The following PCBP3 variants were observed in gnomAD, a reference collection of about 807,000 sequenced individuals.
PCBP3 encodes the protein poly(rC)-binding protein 3.
A neutral mutation model predicts 52.7 loss-of-function variants in PCBP3; 25 were observed. The observed-to-expected ratio is 0.47, with a 90% CI of 0.35 to 0.66. PCBP3 has a LOEUF of 0.66. PCBP3 is among the 30% of genes least tolerant of loss of function. PCBP3 has a pLI of 0.01. For missense variants in PCBP3, 391 were observed against 490.3 expected (o/e 0.80, Z 1.91); for synonymous variants, 162 against 183.0 (o/e 0.89, Z 0.93).
At chr21:45,940,680 G>A (rs1302078404) in intron 17 of PCBP3, among the ~76,000 whole-genome samples, 2 of 151,866 alleles carry the variant, frequency 1.3e-5, no homozygotes, top group East Asian at 1.9e-4. Context: ...AGCCACCTGG[G>A]TCCCTGTGAC....
At chr21:45,669,219 C>T (rs1159078498) in intron 2 of PCBP3, among the ~76,000 whole-genome samples, 1 of 152,106 alleles carries the variant, frequency 6.6e-6, no homozygotes, top group Non-Finnish European at 1.5e-5. Flanking sequence ...TTTGGCCACT[C>T]CACTTTACTT....
At position 45,812,635 on chromosome 21, in the gene PCBP3, G is replaced by A. The variant is rs111372080; in HGVS notation, c.-125-37326G>A. On this transcript the variant is annotated intron_variant, in intron 4 of 17. Transcript: ENST00000681687. ...CAGAACTGCTGGCCTCAGGTGATCC[G>A]CCCGCTTCGGCCTCCCAAAGTGCTG... is the stretch of plus-strand genomic sequence containing the variant. 4.7e-3 allele frequency among the ~76,000 whole-genome samples: 708 copies of A among 152,252 alleles called. 6 individuals carry two copies. Among genetic ancestry groups the A allele is most frequent in the African/African-American group, 0.015 (644 of 41,550 alleles).
At chr21:45,759,495 T>C (rs1436061935) in intron 4 of PCBP3, among the ~76,000 whole-genome samples, 1 of 152,262 alleles carries the variant, frequency 6.6e-6, no homozygotes, top group Admixed American at 6.5e-5. Flanking sequence ...AGTTACATTA[T>C]GTCAGACGTT....
intron 4 of PCBP3, among the ~76,000 whole-genome samples, chr21:45,847,934 T>C (rs76919440): frequency 1.3e-5 from 2 of 152,186 alleles, no homozygotes; most frequent in Non-Finnish European, 2.9e-5. Context: ...ACTCCAGTCT[T>C]TGTTTCTTGG....
intron 4 of PCBP3, among the ~76,000 whole-genome samples, chr21:45,814,678 GTGGTGAGTGAGTGGTGAGTGA>G (rs2092799305): frequency 3.6e-5 from 5 of 138,886 alleles, no homozygotes; most frequent in African/African-American, 5.4e-5. Flanking sequence ...TGAGTGGTGA[GTGGTGAGTGAGTGGTGAGTGA>G]TGAGTGGTGA....
At chr21:45,895,844 C>T (rs767777542) in intron 5 of PCBP3, among the ~76,000 whole-genome samples, 22 of 152,262 alleles carry the variant, frequency 1.4e-4, no homozygotes, top group Non-Finnish European at 2.4e-4. Flanking sequence ...AGCCCCAGGG[C>T]GCTGGGCCTG....
chr21:45,826,291 G>A (rs1031136548), intron 4 of PCBP3, among the ~76,000 whole-genome samples: 2 of 152,026 alleles, frequency 1.3e-5, no homozygotes, highest in Admixed American at 6.6e-5. Context: ...AAATAAAGCA[G>A]TGAGAATGAG....
At chr21:45,727,496 G>C (rs1418178639) in intron 2 of PCBP3, among the ~76,000 whole-genome samples, 1 of 152,224 alleles carries the variant, frequency 6.6e-6, no homozygotes, top group Non-Finnish European at 1.5e-5. Context: ...GGAAGCACCG[G>C]GTAGGTCAAG....
chr21:45,884,967 G>A (rs928463857), intron 5 of PCBP3, among the ~76,000 whole-genome samples: 2 of 152,156 alleles, frequency 1.3e-5, no homozygotes, highest in Non-Finnish European at 2.9e-5. Context: ...TAGAGGACTC[G>A]AGAGTGAAGC....
intron 1 of PCBP3, among the ~76,000 whole-genome samples, chr21:45,663,123 A>G (rs1009093193): frequency 2.0e-5 from 3 of 151,586 alleles, no homozygotes; most frequent in African/African-American, 4.9e-5. Context: ...GAAAGTACTA[A>G]AAGTCTCTGA....
chr21:45,665,393 G>A (rs1402680115), intron 1 of PCBP3, among the ~76,000 whole-genome samples: 1 of 151,892 alleles, frequency 6.6e-6, no homozygotes, highest in African/African-American at 2.4e-5. Flanking sequence ...ATGTCACAGA[G>A]TGAGATCCCA....
chr21:45,808,432 GA>G (rs1193916510), intron 4 of PCBP3, among the ~76,000 whole-genome samples: 4 of 152,038 alleles, frequency 2.6e-5, no homozygotes, highest in African/African-American at 9.7e-5. Flanking sequence ...CAAAAAACGT[GA>G]AAAAAAGCTA....
chr21:45,916,066 C>G (rs1480558881), intron 12 of PCBP3: 7 of 152,324 alleles, frequency 4.6e-5, no homozygotes, highest in African/African-American at 1.7e-4. Flanking sequence ...GCGTTTCTAG[C>G]ACGACATGGT....
intron 4 of PCBP3, among the ~76,000 whole-genome samples, chr21:45,823,756 T>C (rs1440263343): frequency 6.6e-6 from 1 of 151,872 alleles, no homozygotes; most frequent in East Asian, 1.9e-4. Flanking sequence ...TATTTATTTA[T>C]TTTGAGATGG....
intron 1 of PCBP3, among the ~76,000 whole-genome samples, chr21:45,665,179 A>G (rs1310343124): frequency 6.6e-6 from 1 of 152,028 alleles, no homozygotes; most frequent in East Asian, 1.9e-4. Flanking sequence ...AGGCAGGAGG[A>G]TCACTTGAGG....
At chr21:45,860,979 C>T (rs919498739) in intron 5 of PCBP3, among the ~76,000 whole-genome samples, 8 of 152,224 alleles carry the variant, frequency 5.3e-5, no homozygotes, top group South Asian at 2.1e-4. Context: ...TACCTCCCCT[C>T]GCCCTCACTG....
intron 5 of PCBP3, among the ~76,000 whole-genome samples, chr21:45,887,363 C>T (rs989619917): frequency 6.6e-6 from 1 of 152,222 alleles, no homozygotes; most frequent in Non-Finnish European, 1.5e-5. Flanking sequence ...GCACAGATGC[C>T]GGAGCTGCTG....
intron 13 of PCBP3, 53 bp from the exon 14 acceptor site, chr21:45,929,864 A>C: frequency 7.5e-7 from 1 of 1,333,604 alleles, no homozygotes; most frequent in East Asian, 2.3e-5. Flanking sequence ...ATTTGGTGTG[A>C]CTTGTACTCG....
intron 13 of PCBP3, among the ~76,000 whole-genome samples, chr21:45,921,978 G>A (rs567210664): frequency 1.3e-5 from 2 of 152,340 alleles, no homozygotes; most frequent in South Asian, 4.1e-4. Context: ...CAGGGTGAAG[G>A]ACTTAGGAGG....
Sources: gnomAD v4.1 joint callset for allele counts (sites outside exome capture counted in the v4.1 genomes callset) on GRCh38, gnomAD v4.1.1 for gene constraint, MANE v1.5 for transcripts, NCBI Gene and HGNC (gene_info 2026-07-23, HGNC 2026-07-21) for gene names.